Variants in RNF17 observed in about 807,000 individuals in gnomAD.
The protein encoded by RNF17 is spermatogenesis associated 23.
In RNF17, 31 loss-of-function variants were observed where a neutral mutation model predicts 200.5. The ratio of observed to expected loss-of-function variants is 0.15; its 90% CI spans 0.12 to 0.21. The LOEUF (loss-of-function observed/expected upper bound fraction) is 0.21, where lower values mean the gene tolerates loss of function less well. Among genes scored for constraint, RNF17 ranks in the 10% least tolerant of loss-of-function variants. The pLI is 1.00. For synonymous variants in RNF17, 606 were observed against 637.8 expected, an observed-to-expected ratio of 0.95 and a Z score of 0.75; for missense variants, 1,628 against 1,905.1, an observed-to-expected ratio of 0.85 and a Z score of 2.71.
chr13:24,829,123 CCCCTA>C (rs1231262256), intron 16 of RNF17, among the ~76,000 whole-genome samples: 1 of 152,068 alleles, frequency 6.6e-6, no homozygotes, highest in African/African-American at 2.4e-5. Flanking sequence ...GGCTGCTTAC[CCCCTA>C]GGCCTTACTA....
chr13:24,828,528 CT>C (rs1366308776), intron 16 of RNF17, among the ~76,000 whole-genome samples: 1 of 151,972 alleles, frequency 6.6e-6, no homozygotes, highest in East Asian at 1.9e-4. Flanking sequence ...TCAGTTGACA[CT>C]TCAGTTTTAG....
intron 19 of RNF17, among the ~76,000 whole-genome samples, chr13:24,843,528 AT>A (rs1890905541): frequency 1.3e-5 from 2 of 151,716 alleles, no homozygotes; most frequent in African/African-American, 4.8e-5. Context: ...AAAAAAAAAA[AT>A]TTTTTTTGGA....
At chr13:24,768,971 G>A (rs1041001494) in intron 2 of RNF17, among the ~76,000 whole-genome samples, 1 of 148,366 alleles carries the variant, frequency 6.7e-6, no homozygotes, top group South Asian at 2.1e-4. Flanking sequence ...CTATTTTGTG[G>A]GAAATTCCTA....
intron 2 of RNF17, among the ~76,000 whole-genome samples, chr13:24,768,598 TGA>T (rs1880146845): frequency 6.6e-6 from 1 of 152,096 alleles, no homozygotes; most frequent in Admixed American, 6.5e-5. Flanking sequence ...TGTAAATTCT[TGA>T]TGTTTTACTG....
intron 18 of RNF17, among the ~76,000 whole-genome samples, chr13:24,838,630 G>C (rs191205116): frequency 1.3e-5 from 2 of 152,232 alleles, no homozygotes; most frequent in Admixed American, 1.3e-4. Context: ...ATCCCTTTAT[G>C]CTTAAAACTC....
At chr13:24,818,552 T>G (rs1466632474) in intron 15 of RNF17, among the ~76,000 whole-genome samples, 1 of 152,160 alleles carries the variant, frequency 6.6e-6, no homozygotes, top group East Asian at 1.9e-4. Flanking sequence ...CTTCATATAT[T>G]TGGGTCTTTG....
rs747455621 is a variant in RNF17 at position 24,877,171 on chromosome 13, C to T, written c.4758C>T (p.Leu1586=). Residue 1586 remains leucine, a synonymous_variant, in exon 34 of 36, where the codon CTC becomes CTT. Transcript: ENST00000255324. ...TAGACTGTCTTCAAGGAAAACAACT[C>T]TATGCTGTGTCCATGGTAAGTGTCT... The part of the protein sequence containing the change: ...AMIDCLQGKQ[L]YAVSMAPAPE... The T allele has an allele frequency of 3.1e-6, 5 of 1,612,044 alleles. No individual in the cohort carries two copies. Among genetic ancestry groups the T allele is most frequent in the Non-Finnish European group, 3.4e-6 (4 of 1,179,324 alleles).
In RNF17 at chr13:24,812,688, T is replaced by TCCC. The variant is rs1219153519; in HGVS notation, c.2091+8259_2091+8260insCCC. Among the ~76,000 whole-genome samples the TCCC allele has an allele frequency of 7.3e-5, 4 of 54,498 alleles. No homozygotes were observed. The East Asian group carries it at 2.8e-3, about 38-fold the overall frequency. 35.8% of individuals were successfully genotyped at this position (54,498 alleles called of 152,430 possible). On this transcript the variant is annotated intron_variant, in intron 15 of 35. Coordinates refer to ENST00000255324, the MANE Select transcript of RNF17 (RefSeq NM_031277.3). The stretch of plus-strand genomic sequence containing the variant: ...CTCCCCTCCCCGCCCCACCCCCTTT[T>TCCC]TTTTTTTTTTTGAGACGCAGTCTCG...
intron 18 of RNF17, among the ~76,000 whole-genome samples, chr13:24,840,529 ATG>A (rs568716214): frequency 7.1e-6 from 1 of 140,090 alleles, no homozygotes; most frequent in African/African-American, 2.7e-5. Flanking sequence ...ACATATATAT[ATG>A]TGTGTGTGTG....
chr13:24,818,626 T>G (rs1360673317), intron 15 of RNF17, among the ~76,000 whole-genome samples: 1 of 152,150 alleles, frequency 6.6e-6, no homozygotes, highest in East Asian at 1.9e-4. Flanking sequence ...TTTTATCAAT[T>G]TATAATGTCC....
intron 9 of RNF17, 28 bp downstream of exon 9, chr13:24,789,800 CCA>C: frequency 6.6e-6 from 8 of 1,204,854 alleles, no homozygotes; most frequent in South Asian, 2.4e-5. Flanking sequence ...TGGTAACATG[CCA>C]TTAGTGTCTG....
downstream of RNF17, chr13:24,883,018 CA>C: frequency 1.5e-6 from 1 of 653,920 alleles, no homozygotes; most frequent in East Asian, 2.7e-5. Context: ...CATTGCATTT[CA>C]AAGAATATAA....
At chr13:24,821,774 C>G (rs189637820) in intron 15 of RNF17, among the ~76,000 whole-genome samples, 1 of 152,096 alleles carries the variant, frequency 6.6e-6, no homozygotes, top group East Asian at 1.9e-4. Flanking sequence ...TCCCTTAACC[C>G]TTTTAACATA....
At chr13:24,776,172 A>T (rs1881541048) in intron 3 of RNF17, among the ~76,000 whole-genome samples, 1 of 152,214 alleles carries the variant, frequency 6.6e-6, no homozygotes, top group African/African-American at 2.4e-5. Flanking sequence ...CCTCCTGCAG[A>T]TTCTGACTTC....
chr13:24,779,201 A>AT (rs1347963852), intron 4 of RNF17, among the ~76,000 whole-genome samples: 4 of 152,288 alleles, frequency 2.6e-5, no homozygotes, highest in South Asian at 2.1e-4. Flanking sequence ...TCTCAAAAAA[A>AT]AAATAAAAAG....
chr13:24,878,147 G>C (rs1284910196), intron 34 of RNF17, among the ~76,000 whole-genome samples: 4 of 152,176 alleles, frequency 2.6e-5, no homozygotes, highest in Non-Finnish European at 4.4e-5. Context: ...CCTGCCTGGT[G>C]CCATGATTTG....
intron 16 of RNF17, among the ~76,000 whole-genome samples, chr13:24,827,507 T>G (rs1888814116): frequency 6.6e-6 from 1 of 151,702 alleles, no homozygotes; most frequent in African/African-American, 2.4e-5. Flanking sequence ...CTGGGTAGTT[T>G]ATAAACAATA....
chr13:24,825,609 TA>T lies in RNF17; in HGVS notation c.2092-9del. 1 of 1,554,926 alleles carries T rather than the reference TA, an allele frequency of 6.4e-7. No individual in the cohort carries two copies. Among genetic ancestry groups the T allele is most frequent in the Non-Finnish European group, 8.8e-7 (1 of 1,130,322 alleles). On this transcript the variant is annotated splice_polypyrimidine_tract_variant and intron_variant, in intron 15 of 35. Transcript: ENST00000255324. ...GTGAAATGACAGTGCTTTATCCCTT[TA>T]TTTACTAGATAGAGGGCCTGGATAT...
chr13:24,788,218 G>T, intron 7 of RNF17, 59 bp downstream of exon 7: 1 of 1,306,204 alleles, frequency 7.7e-7, no homozygotes, highest in South Asian at 1.4e-5. Flanking sequence ...ACATGCTTTG[G>T]AATATATTTA....
Sources: gnomAD v4.1 joint callset for allele counts (sites outside exome capture counted in the v4.1 genomes callset) on GRCh38, gnomAD v4.1.1 for gene constraint, MANE v1.5 for transcripts, NCBI Gene and HGNC (gene_info 2026-07-23, HGNC 2026-07-21) for gene names.